The following SPEN variants were observed in gnomAD, a reference collection of about 807,000 sequenced individuals.
SPEN encodes the protein msx2-interacting protein.
SPEN carries 18 observed loss-of-function variants against 269.9 expected under a neutral mutation model. The observed-to-expected ratio is 0.07, with a 90% CI of 0.05 to 0.10. The LOEUF is 0.10. Ranked by LOEUF, SPEN falls within the 10% of genes least tolerant of loss-of-function variation. SPEN has a pLI of 1.00. For synonymous variants in SPEN, 1,726 were observed against 1,765.7 expected (o/e 0.98, Z 0.56); for missense variants, 3,822 against 4,631.2 (o/e 0.83, Z 5.07).
In SPEN at chr1:15,918,956, C is replaced by A; in HGVS notation, c.1426C>A (p.Pro476Thr). 6.2e-7 allele frequency: 1 copy of A among 1,609,502 alleles called. No individual in the cohort carries two copies. The highest frequency in any genetic ancestry group is 8.5e-7 in the Non-Finnish European group (1 of 1,177,828). Reference sequence around the variant, plus strand: ...TGACATTAAGAAAGTAAATGGAGTTCCTCAGTATGCGTTTCTGCAATACTG... The same window carrying A: ...TGACATTAAGAAAGTAAATGGAGTTACTCAGTATGCGTTTCTGCAATACTG... Reference protein sequence around the residue: ...DIDIKKVNGVPQYAFLQYCDI... With the variant: ...DIDIKKVNGVTQYAFLQYCDI... Residue 476 changes from proline (P) to threonine (T), a missense_variant, in exon 7 of 15, where the codon CCT becomes ACT. Coordinates refer to ENST00000375759, the MANE Select transcript of SPEN (RefSeq NM_015001.3).
rs377126568 is a variant in SPEN at position 15,935,609 on chromosome 1, G to T, written c.9369G>T (p.Pro3123=). The T allele has an allele frequency of 1.2e-5, 20 of 1,614,060 alleles. No homozygotes were observed. The South Asian group carries it at 2.2e-4, about 18-fold the overall frequency. The change falls in exon 11 of 15, where the codon CCG becomes CCT. Residue 3123 remains proline (P), a synonymous_variant. Transcript: ENST00000375759. The surrounding 1 kb of genome is among the most constrained non-coding windows in gnomAD (Gnocchi z 7.7). ...RPEALHSPRA[P]LQPQQIEVRA... is the part of the protein sequence containing the mutation. The stretch of plus-strand genomic sequence containing the variant: ...AAGCGCTTCACTCTCCTCGGGCTCC[G>T]CTGCAGCCCCAGCAAATAGAGGTCA...
chr1:15,868,322 G>A (rs183884608), intron 1 of SPEN, among the ~76,000 whole-genome samples: 156 of 151,578 alleles, frequency 1.0e-3, no homozygotes, highest in African/African-American at 3.7e-3. Flanking sequence ...TTAGAAAATT[G>A]GATTGTGCTT....
In SPEN at chr1:15,848,622, C is replaced by A. The variant is rs1373232929; in HGVS notation, c.83+472C>A. ...GGCAATGTCTGACTTCGGGAGGGTT[C>A]CGTGCGAAGGGAAAGGCGGTGCGAA... On this transcript the variant is annotated intron_variant, in intron 1 of 14. Transcript: ENST00000375759. This position sits in a 1 kb window ranked among gnomAD's most constrained non-coding sequence, Gnocchi z 5.1. Among the ~76,000 whole-genome samples the A allele has an allele frequency of 6.6e-6, 1 of 152,210 alleles. No homozygotes were observed. The highest frequency in any genetic ancestry group is 1.5e-5 in the Non-Finnish European group (1 of 68,036).
At chr1:15,890,560 T>C (rs1055514486) in intron 3 of SPEN, among the ~76,000 whole-genome samples, 2 of 146,144 alleles carry the variant, frequency 1.4e-5, no homozygotes, top group Non-Finnish European at 3.0e-5. Context: ...TGACTCAGGT[T>C]TTTTTTTTTT....
chr1:15,859,229 C>A (rs2070417301), intron 1 of SPEN, among the ~76,000 whole-genome samples: 1 of 150,490 alleles, frequency 6.6e-6, no homozygotes, highest in African/African-American at 2.4e-5. Flanking sequence ...GATCATAGCT[C>A]ACTGCAGCCT....
chr1:15,932,895 A>G lies in SPEN; in HGVS notation c.6655A>G (p.Ile2219Val), dbSNP rs776580878. The change falls in exon 11 of 15, where the codon ATC (isoleucine) becomes GTC (valine). Residue 2219 changes from isoleucine (I) to valine (V), a missense_variant. Around this residue, in one of 16 missense-constraint regions of SPEN, gnomAD observed 727 missense variants for 737.9 expected, o/e 0.99. Transcript: ENST00000375759. This position sits in a 1 kb window ranked among gnomAD's most constrained non-coding sequence, Gnocchi z 4.2. ...AAGTGAAACAGAGCTGGCTGCGGCCATCGGCTCCATCATCAATGACATTTC... is the reference window on the plus strand; with the variant it reads ...AAGTGAAACAGAGCTGGCTGCGGCCGTCGGCTCCATCATCAATGACATTTC... ...QASETELAAA[I>V]GSIINDISGE... 2 of 1,614,258 alleles carry G rather than the reference A, an allele frequency of 1.2e-6. No individual in the cohort carries two copies. Among genetic ancestry groups the G allele is most frequent in the African/African-American group, 1.3e-5 (1 of 75,066 alleles).
intron 3 of SPEN, among the ~76,000 whole-genome samples, chr1:15,889,159 CTTTTCTTTTTTTTTTTT>C (rs1193117293): frequency 1.0e-5 from 1 of 99,548 alleles, no homozygotes; most frequent in Non-Finnish European, 1.8e-5. Context: ...TCTTTCTTTT[CTTTTCTTTTTTTTTTTT>C]TTTTGAGACG....
chr1:15,852,513 T>C (rs963636215), intron 1 of SPEN, among the ~76,000 whole-genome samples: 2 of 152,188 alleles, frequency 1.3e-5, no homozygotes, highest in Non-Finnish European at 2.9e-5. Context: ...AAATGGGTTT[T>C]ATTTCCCAAA....
Position 15,847,856 on chromosome 1 carries a change from G to A in SPEN, c.-212G>A, listed in dbSNP as rs564257437. On this transcript the variant is annotated 5_prime_UTR_variant, in exon 1 of 15. Transcript: ENST00000375759. ...GGGTCGGCTTCGGGTGTGTGGTGGC[G>A]GCAGAGCTGAGCTGCGAGGCCCGAG... 1.9e-5 allele frequency: 5 copies of A among 267,090 alleles called. No individual in the cohort carries two copies. The highest frequency in any genetic ancestry group is 3.0e-4 in the South Asian group (2 of 6,744). The allele number at this position is 267,090 out of a possible 1,614,324, so 16.5% of individuals were successfully genotyped here. A position where few individuals can be genotyped will look rare whatever the true frequency, so the allele number is the denominator to read the frequency against.
chr1:15,865,420 G>GTTTTTTTTTTTTTTT (rs35623952), intron 1 of SPEN, among the ~76,000 whole-genome samples: 1 of 116,086 alleles, frequency 8.6e-6, no homozygotes, highest in African/African-American at 3.3e-5. Context: ...GTATATGCCT[G>GTTTTTTTTTTTTTTT]TTTTTTTTTT....
chr1:15,922,416 C>G, intron 10 of SPEN, 67 bp downstream of exon 10: 1 of 1,109,880 alleles, frequency 9.0e-7, no homozygotes, highest in Non-Finnish European at 1.3e-6. Context: ...CTTAAGATGG[C>G]ATTAAATTTT....
intron 3 of SPEN, among the ~76,000 whole-genome samples, chr1:15,885,371 T>A (rs921690550): frequency 6.6e-6 from 1 of 152,244 alleles, no homozygotes; most frequent in Non-Finnish European, 1.5e-5. Context: ...AGTGTTATGA[T>A]TAAAACATAT....
Position 15,935,099 on chromosome 1 carries a change from T to C in SPEN, c.8859T>C (p.Ile2953=), listed in dbSNP as rs1400028881. The change falls in exon 11 of 15, where the codon ATT becomes ATC. Residue 2953 remains isoleucine, a synonymous_variant. Transcript: ENST00000375759. The surrounding 1 kb of genome is among the most constrained non-coding windows in gnomAD (Gnocchi z 7.7). ...ACCAGCTGGTCCTCACCCCAAGCAT[T>C]GTCACCACAAACAAGAAGCTTGCTG... The part of the protein sequence containing the change: ...VHNQLVLTPS[I]VTTNKKLADP... The C allele has an allele frequency of 6.2e-7, 1 of 1,613,868 alleles. No individual in the cohort carries two copies. Among genetic ancestry groups the C allele is most frequent in the Non-Finnish European group, 8.5e-7 (1 of 1,179,936 alleles).
chr1:15,854,806 T>C (rs1268466232), intron 1 of SPEN, among the ~76,000 whole-genome samples: 3 of 152,114 alleles, frequency 2.0e-5, no homozygotes, highest in South Asian at 2.1e-4. Context: ...TTATGTGATA[T>C]CTAGCTGGTT....
chr1:15,856,544 T>A (rs1170163939), intron 1 of SPEN, among the ~76,000 whole-genome samples: 1 of 151,196 alleles, frequency 6.6e-6, no homozygotes, highest in Non-Finnish European at 1.5e-5. Context: ...TTACAGTGGC[T>A]GTTAGATCTG....
At position 15,873,005 on chromosome 1, in the gene SPEN, G is replaced by A. The variant is rs1228980862; in HGVS notation, c.273G>A (p.Leu91=). Residue 91 remains leucine (L), a synonymous_variant, in exon 2 of 15, where the codon TTG becomes TTA. Transcript: ENST00000375759. ...PGTIPSAARG[L]DDTVSIASRS... ...CCATCCCGAGTGCTGCTCGGGGATT[G>A]GATGATACAGTTTCCATAGCATCTC... 5 of 1,614,150 alleles carry A rather than the reference G, an allele frequency of 3.1e-6. No homozygotes were observed. Among genetic ancestry groups the A allele is most frequent in the Non-Finnish European group, 3.4e-6 (4 of 1,180,044 alleles).
At position 15,935,859 on chromosome 1, in the gene SPEN, A is replaced by T. The variant is rs150045730; in HGVS notation, c.9619A>T (p.Ser3207Cys). 265 of 1,613,718 alleles carry T rather than the reference A, an allele frequency of 1.6e-4. No individual in the cohort carries two copies. The African/African-American group carries it at 3.3e-3, about 20-fold the overall frequency. The change falls in exon 11 of 15, where the codon AGC becomes TGC. Residue 3207 changes from serine to cysteine, a missense_variant. Physicochemically the swap from Ser to Cys is moderately radical, Grantham distance 112. This residue lies in a region of SPEN where 359 missense variants were observed against 377.3 expected (regional missense o/e 0.95). Coordinates refer to ENST00000375759, the MANE Select transcript of SPEN (RefSeq NM_015001.3). The surrounding 1 kb of genome is among the most constrained non-coding windows in gnomAD (Gnocchi z 7.7). Reference protein sequence around the residue: ...IMVHPHVTAVSEQPRAADGVV... With the variant: ...IMVHPHVTAVCEQPRAADGVV... ...GGTGCATCCACATGTGACGGCAGTC[A>T]GCGAGCAGCCCAGGGCCGCGGATGG...
chr1:15,935,726 T>C lies in SPEN; in HGVS notation c.9486T>C (p.Tyr3162=). The C allele has an allele frequency of 1.2e-6, 2 of 1,613,332 alleles. No homozygotes were observed. The highest frequency in any genetic ancestry group is 1.7e-6 in the Non-Finnish European group (2 of 1,179,666). ...SQHPPEEEVH[Y]HLPVARATAP... ...ACCCTCCCGAGGAGGAAGTGCATTA[T>C]CACCTTCCTGTCGCTCGAGCCACAG... Residue 3162 remains tyrosine, a synonymous_variant, in exon 11 of 15, where the codon TAT becomes TAC. Coordinates refer to ENST00000375759, the MANE Select transcript of SPEN (RefSeq NM_015001.3). This position sits in a 1 kb window ranked among gnomAD's most constrained non-coding sequence, Gnocchi z 7.7.
intron 5 of SPEN, among the ~76,000 whole-genome samples, chr1:15,912,203 C>T (rs1380891598): frequency 1.3e-5 from 2 of 152,124 alleles, no homozygotes; most frequent in African/African-American, 4.8e-5. Flanking sequence ...TCTTCTCACA[C>T]GTGGCTTGCA....
Sources: gnomAD v4.1 joint callset for allele counts (sites outside exome capture counted in the v4.1 genomes callset) on GRCh38, gnomAD v4.1.1 for gene constraint, gnomAD v4.1.1 regional missense constraint, Gnocchi (gnomAD v3.1) non-coding constraint, MANE v1.5 for transcripts, NCBI Gene and HGNC (gene_info 2026-07-23, HGNC 2026-07-21) for gene names.